ZNF408: variants seen among roughly 807,000 people sequenced by gnomAD.
The protein encoded by ZNF408 is PR domain zinc finger protein 17.
Under a neutral mutation model 27.6 loss-of-function variants are expected in ZNF408, and 24 were observed. The ratio of observed to expected loss-of-function variants is 0.87; its 90% CI spans 0.63 to 1.22. ZNF408 has a LOEUF of 1.22. ZNF408 is among the 50% of genes most tolerant of loss of function. ZNF408 has a pLI of 0.00. For synonymous variants in ZNF408, 410 were observed against 396.1 expected, an observed-to-expected ratio of 1.04 and a Z score of -0.42; for missense variants, 897 against 949.0, an observed-to-expected ratio of 0.95 and a Z score of 0.72.
chr11:46,703,762 TTGTTGTTG>T (rs2134508438), intron 4 of ZNF408, among the ~76,000 whole-genome samples: 1 of 77,638 alleles, frequency 1.3e-5, no homozygotes, highest in South Asian at 5.1e-4. Context: ...GTTGTTGTTG[TTGTTGTTG>T]TTTTTTTTTT....
rs371633363 is a variant in ZNF408, at chr11:46,704,592, G to A, written c.892G>A (p.Gly298Ser). The A allele has an allele frequency of 1.2e-4, 192 of 1,613,744 alleles. 3 individuals carry two copies. In the East Asian group the frequency reaches 2.1e-3, roughly 17 times the overall value. Reference protein sequence around the residue: ...SGASFSSSARGTQPHGYLAKK... With the variant: ...SGASFSSSARSTQPHGYLAKK... ...AGCCAGTTTCTCATCTTCTGCCAGG[G>A]GCACCCAGCCGCATGGCTACCTGGC... is the stretch of plus-strand genomic sequence containing the variant. The change falls in exon 5 of 5, where the codon GGC becomes AGC. Residue 298 changes from glycine to serine, a missense_variant. Coordinates refer to ENST00000311764, the MANE Select transcript of ZNF408 (RefSeq NM_024741.3).
intron 4 of ZNF408, among the ~76,000 whole-genome samples, chr11:46,703,724 T>C (rs970011797): frequency 2.0e-5 from 3 of 150,742 alleles, no homozygotes; most frequent in African/African-American, 4.9e-5. Context: ...TGGGAAGGGG[T>C]TTTTTTGTTT....
At position 46,701,417 on chromosome 11, in the gene ZNF408, G is replaced by T; in HGVS notation, c.71G>T (p.Gly24Val). The T allele has an allele frequency of 6.2e-7, 1 of 1,613,830 alleles. No homozygotes were observed. The highest frequency in any genetic ancestry group is 8.5e-7 in the Non-Finnish European group (1 of 1,179,884). The change falls in exon 2 of 5, where the codon GGC becomes GTC. Residue 24 changes from glycine (G) to valine (V), a missense_variant. Coordinates refer to ENST00000311764, the MANE Select transcript of ZNF408 (RefSeq NM_024741.3). ...ALQLAREPRL[G>V]LDLGWNPSGE... The stretch of plus-strand genomic sequence containing the variant: ...TCTGCAGCCCGCGAGCCGCGCCTGG[G>T]CCTGGACTTAGGATGGAACCCTTCC...
chr11:46,704,959 C>T lies in ZNF408; in HGVS notation c.1259C>T (p.Thr420Ile). Residue 420 changes from threonine (T) to isoleucine (I), a missense_variant, in exon 5 of 5, where the codon ACC becomes ATC. Transcript: ENST00000311764. Reference protein sequence around the residue: ...PCPQCDKAYGTQRDLKEHQVV... With the variant: ...PCPQCDKAYGIQRDLKEHQVV... Reference sequence around the variant, plus strand: ...CCACAATGCGACAAGGCCTATGGCACCCAGCGAGACCTCAAAGAGCACCAG... The same window carrying T: ...CCACAATGCGACAAGGCCTATGGCATCCAGCGAGACCTCAAAGAGCACCAG... 1 of 1,613,618 alleles carries T rather than the reference C, an allele frequency of 6.2e-7. No homozygotes were observed. The highest frequency in any genetic ancestry group is 8.5e-7 in the Non-Finnish European group (1 of 1,180,028).
intron 2 of ZNF408, chr11:46,701,892 G>A: frequency 2.0e-6 from 1 of 507,002 alleles, no homozygotes; most frequent in South Asian, 5.2e-5. Flanking sequence ...TGTCAGCAGT[G>A]AGTGAGGAAG....
In ZNF408 at chr11:46,704,397, G is replaced by C. The variant is rs766548133; in HGVS notation, c.697G>C (p.Val233Leu). The change falls in exon 5 of 5, where the codon GTG becomes CTG. Residue 233 changes from valine to leucine, a missense_variant. Transcript: ENST00000311764. ...CTCTGGCATCCAGGCAGAGAATATG[G>C]TGAGCCCTGGACTTAAGTTCCCAAC... is the stretch of plus-strand genomic sequence containing the variant. ...SPSGIQAENM[V>L]SPGLKFPTQD... The C allele has an allele frequency of 9.3e-6, 15 of 1,611,654 alleles. No individual in the cohort carries two copies. The highest frequency in any genetic ancestry group is 1.3e-5 in the Non-Finnish European group (15 of 1,178,642).
At chr11:46,702,626 G>A (rs752602116) in intron 2 of ZNF408, 78 bp from the exon 3 acceptor site, 8 of 1,475,560 alleles carry the variant, frequency 5.4e-6, no homozygotes, top group South Asian at 1.2e-5. Flanking sequence ...TCCCAGGAAA[G>A]TTTCATCTAG....
rs766548133 is a variant in ZNF408 at position 46,704,397 on chromosome 11, G to A, written c.697G>A (p.Val233Met). 6.2e-7 allele frequency: 1 copy of A among 1,611,654 alleles called. No homozygotes were observed. The highest frequency in any genetic ancestry group is 1.1e-5 in the South Asian group (1 of 90,766). ...CTCTGGCATCCAGGCAGAGAATATG[G>A]TGAGCCCTGGACTTAAGTTCCCAAC... ...SPSGIQAENM[V>M]SPGLKFPTQD... is the part of the protein sequence containing the mutation. Residue 233 changes from valine to methionine, a missense_variant, in exon 5 of 5, where the codon GTG becomes ATG. Physicochemically the swap from Val to Met is conservative, Grantham distance 21. Coordinates refer to ENST00000311764, the MANE Select transcript of ZNF408 (RefSeq NM_024741.3).
At position 46,701,580 on chromosome 11, in the gene ZNF408, C is replaced by T. The variant is rs1336050971; in HGVS notation, c.234C>T (p.Val78=). 1.9e-6 allele frequency: 3 copies of T among 1,612,460 alleles called. No individual in the cohort carries two copies. The highest frequency in any genetic ancestry group is 1.7e-5 in the Admixed American group (1 of 59,974). Residue 78 remains valine, a synonymous_variant, in exon 2 of 5, where the codon GTC becomes GTT. Coordinates refer to ENST00000311764, the MANE Select transcript of ZNF408 (RefSeq NM_024741.3). The part of the protein sequence containing the change: ...AKEQRLGVWC[V]GDPLQPGLLW... ...AACAGCGCTTGGGGGTCTGGTGTGT[C>T]GGGGACCCCCTGCAGCCCGGCCTGC...
rs770666903 is a variant in ZNF408, at chr11:46,701,421, G to A, written c.75G>A (p.Leu25=). The A allele has an allele frequency of 1.1e-5, 18 of 1,613,742 alleles. No individual in the cohort carries two copies. Among genetic ancestry groups the A allele is most frequent in the Non-Finnish European group, 1.4e-5 (17 of 1,179,910 alleles). The change falls in exon 2 of 5, where the codon CTG becomes CTA. Residue 25 remains leucine, a synonymous_variant. Transcript: ENST00000311764. ...LQLAREPRLG[L]DLGWNPSGEG... is the part of the protein sequence containing the mutation. ...CAGCCCGCGAGCCGCGCCTGGGCCTGGACTTAGGATGGAACCCTTCCGGAG... is the reference window on the plus strand; with the variant it reads ...CAGCCCGCGAGCCGCGCCTGGGCCTAGACTTAGGATGGAACCCTTCCGGAG...
intron 4 of ZNF408, among the ~76,000 whole-genome samples, chr11:46,703,765 T>G (rs1403877850): frequency 2.9e-5 from 2 of 68,476 alleles, no homozygotes; most frequent in Admixed American, 1.6e-4. Flanking sequence ...GTTGTTGTTG[T>G]TGTTGTTTTT....
rs2064718797 is a variant in ZNF408 at position 46,702,707 on chromosome 11, C to T, written c.334C>T (p.Leu112=). The T allele has an allele frequency of 6.2e-7, 1 of 1,613,840 alleles. No homozygotes were observed. The highest frequency in any genetic ancestry group is 8.5e-7 in the Non-Finnish European group (1 of 1,179,848). Residue 112 remains leucine, a synonymous_variant, in exon 3 of 5, where the codon CTG becomes TTG. Coordinates refer to ENST00000311764, the MANE Select transcript of ZNF408 (RefSeq NM_024741.3). ...GACTTTTGTTGGTTTATTTCAGAAC[C>T]TGTCATTAGGCCCATGGGGAGACGT... ...EGVKPRQEEN[L]SLGPWGDVCA...
In ZNF408 at chr11:46,703,005, G is replaced by A. The variant is rs770589980; in HGVS notation, c.414G>A (p.Leu138=). The A allele has an allele frequency of 6.2e-7, 1 of 1,614,028 alleles. No homozygotes were observed. Among genetic ancestry groups the A allele is most frequent in the South Asian group, 1.1e-5 (1 of 91,078 alleles). The change falls in exon 4 of 5, where the codon CTG becomes CTA. Residue 138 remains leucine, a synonymous_variant. Coordinates refer to ENST00000311764, the MANE Select transcript of ZNF408 (RefSeq NM_024741.3). ...GWTSLVQRGR[L]ESEGNVAPVR... ...GCAGCTTGGTACAACGGGGCAGGCT[G>A]GAGAGTGAGGGAAATGTGGCCCCAG... is the stretch of plus-strand genomic sequence containing the variant.
In ZNF408 at chr11:46,704,557, A is replaced by G; in HGVS notation, c.857A>G (p.Asp286Gly). Residue 286 changes from aspartate to glycine, a missense_variant, in exon 5 of 5, where the codon GAT becomes GGT. Coordinates refer to ENST00000311764, the MANE Select transcript of ZNF408 (RefSeq NM_024741.3). Reference protein sequence around the residue: ...QSNSATQQDPDGSGASFSSSA... With the variant: ...QSNSATQQDPGGSGASFSSSA... ...AATTCGGCTACCCAGCAGGACCCAG[A>G]TGGCAGTGGAGCCAGTTTCTCATCT... The G allele has an allele frequency of 6.2e-7, 1 of 1,613,652 alleles. No homozygotes were observed. The highest frequency in any genetic ancestry group is 8.5e-7 in the Non-Finnish European group (1 of 1,179,934).
rs1290494335 is a variant in ZNF408 at position 46,705,417 on chromosome 11, C to T, written c.1717C>T (p.His573Tyr). 8 of 1,608,006 alleles carry T rather than the reference C, an allele frequency of 5.0e-6. No individual in the cohort carries two copies. The highest frequency in any genetic ancestry group is 1.7e-5 in the Admixed American group (1 of 59,990). Residue 573 changes from histidine (H) to tyrosine (Y), a missense_variant, in exon 5 of 5, where the codon CAC becomes TAC. Coordinates refer to ENST00000311764, the MANE Select transcript of ZNF408 (RefSeq NM_024741.3). The surrounding 1 kb of genome is among the most constrained non-coding windows in gnomAD (Gnocchi z 6.5). ...CACGCTCCGAGCTCACGAGCGCCTGCACTCCGGAGAGAGGCCCTTTCCCTG... is the reference window on the plus strand; with the variant it reads ...CACGCTCCGAGCTCACGAGCGCCTGTACTCCGGAGAGAGGCCCTTTCCCTG... ...PHTLRAHERL[H>Y]SGERPFPCPQ...
intron 1 of ZNF408, 67 bp downstream of exon 1, chr11:46,701,166 C>T: frequency 1.2e-6 from 2 of 1,612,740 alleles, no homozygotes; most frequent in South Asian, 2.2e-5. Context: ...CTGTGGTCAG[C>T]TTTCTCCTCA....
rs1421154209 is a variant in ZNF408, at chr11:46,705,515, G to A, written c.1815G>A (p.Lys605=). 2 of 1,604,830 alleles carry A rather than the reference G, an allele frequency of 1.2e-6. No individual in the cohort carries two copies. The highest frequency in any genetic ancestry group is 1.6e-4 in the Middle Eastern group (1 of 6,062). The change falls in exon 5 of 5, where the codon AAG becomes AAA. Residue 605 remains lysine (K), a synonymous_variant. Transcript: ENST00000311764. The surrounding 1 kb of genome is among the most constrained non-coding windows in gnomAD (Gnocchi z 6.5). ...ACCTCAAATCTCACTTGGAGGACAA[G>A]CCCTACCGCTGCCCCACCTGTGGCA... ...RRHLKSHLED[K]PYRCPTCGMG...
At position 46,705,338 on chromosome 11, in the gene ZNF408, C is replaced by T. The variant is rs777476789; in HGVS notation, c.1638C>T (p.His546=). ...AACTGCGGCGCCATCTCATCTCACACACCGGGGAGGCCCACTTGTGCCCGG... is the reference window on the plus strand; with the variant it reads ...AACTGCGGCGCCATCTCATCTCACATACCGGGGAGGCCCACTTGTGCCCGG... The part of the protein sequence containing the change: ...LPELRRHLIS[H]TGEAHLCPVC... The change falls in exon 5 of 5, where the codon CAC becomes CAT. Residue 546 remains histidine, a synonymous_variant. Transcript: ENST00000311764. This position sits in a 1 kb window ranked among gnomAD's most constrained non-coding sequence, Gnocchi z 6.5. 6 of 1,611,434 alleles carry T rather than the reference C, an allele frequency of 3.7e-6. No homozygotes were observed. In the South Asian group the frequency reaches 6.6e-5, roughly 18 times the overall value.
At chr11:46,701,990 A>C (rs995551484) in intron 2 of ZNF408, 2 of 260,614 alleles carry the variant, frequency 7.7e-6, no homozygotes, top group Non-Finnish European at 1.4e-5. Context: ...TGCCGCATTT[A>C]ATTCATCTGT....
Sources: allele counts gnomAD v4.1 joint callset (sites outside exome capture counted in the v4.1 genomes callset), GRCh38; gene constraint gnomAD v4.1.1; non-coding constraint Gnocchi (gnomAD v3.1); transcripts MANE v1.5; gene names NCBI Gene and HGNC (gene_info 2026-07-23, HGNC 2026-07-21).